CLYBL: variants seen among roughly 807,000 people sequenced by gnomAD.
The protein encoded by CLYBL is citramalyl-CoA lyase, also known as citramalyl-CoA lyase, mitochondrial.
Under a neutral mutation model 38.9 loss-of-function variants are expected in CLYBL, and 31 were observed. That is an observed-to-expected ratio of 0.80 (90% CI 0.60 to 1.08). The LOEUF is 1.08. Among genes scored for constraint, CLYBL ranks in the 50% least tolerant of loss-of-function variants. The pLI is 0.00. For synonymous variants in CLYBL, 171 were observed against 158.6 expected (o/e 1.08, Z -0.59); for missense variants, 434 against 411.6 (o/e 1.05, Z -0.47).
chr13:99,786,842 A>G lies in CLYBL; in HGVS notation c.249+13832A>G, dbSNP rs529492086. Among the ~76,000 whole-genome samples, 27 of 152,024 alleles carry G rather than the reference A, an allele frequency of 1.8e-4. 1 individual carries two copies. In the South Asian group the frequency reaches 4.4e-3, roughly 25 times the overall value. ...CCACCAACAGTGTAAAAGTGTTCCT[A>G]TTTCTCCACATCCTCTCCAGCACCT... On this transcript the variant is annotated intron_variant, in intron 2 of 8. Coordinates refer to ENST00000339105, the MANE Select transcript of CLYBL (RefSeq NM_206808.5).
chr13:99,616,057 G>C (rs1317437383), intron 1 of CLYBL, among the ~76,000 whole-genome samples: 1 of 151,552 alleles, frequency 6.6e-6, no homozygotes, highest in Non-Finnish European at 1.5e-5. Context: ...ATGTTGGTCA[G>C]GCTGGTCTTG....
Position 99,667,746 on chromosome 13 carries a change from C to T in CLYBL, c.62+60989C>T, listed in dbSNP as rs529712002. Among the ~76,000 whole-genome samples the T allele has an allele frequency of 1.1e-4, 16 of 152,254 alleles. No individual in the cohort carries two copies. The South Asian group carries it at 3.1e-3, about 30-fold the overall frequency. Reference sequence around the variant, plus strand: ...ATTTCTAGTAGTCAAAATAAACATTCGCTCTTAAATTTTACTAGTCAACTC... The same window carrying T: ...ATTTCTAGTAGTCAAAATAAACATTTGCTCTTAAATTTTACTAGTCAACTC... On this transcript the variant is annotated intron_variant, in intron 1 of 8. Coordinates refer to ENST00000339105, the MANE Select transcript of CLYBL (RefSeq NM_206808.5).
intron 1 of CLYBL, among the ~76,000 whole-genome samples, chr13:99,713,352 T>TG (rs2048263721): frequency 6.8e-6 from 1 of 147,672 alleles, no homozygotes; most frequent in Non-Finnish European, 1.5e-5. Flanking sequence ...TTTTTTTTTT[T>TG]TTTTTAAGAC....
chr13:99,699,760 A>G (rs1243422878), intron 1 of CLYBL, among the ~76,000 whole-genome samples: 18 of 149,636 alleles, frequency 1.2e-4, no homozygotes, highest in African/African-American at 2.9e-4. Context: ...TTGGGAGGCC[A>G]AGGTGGGCAG....
intron 1 of CLYBL, among the ~76,000 whole-genome samples, chr13:99,631,426 A>ATG (rs1460451917): frequency 6.6e-6 from 1 of 151,886 alleles, no homozygotes; most frequent in Admixed American, 6.6e-5. Context: ...ACATACATAT[A>ATG]TGTGTGTGTA....
chr13:99,870,823 A>C, intron 6 of CLYBL, 115 bp from the exon 7 acceptor site: 1 of 1,055,088 alleles, frequency 9.5e-7, no homozygotes, highest in Non-Finnish European at 1.3e-6. Flanking sequence ...AAAGTTTTAA[A>C]TTAGTTATTT....
At chr13:99,624,604 A>G (rs1419484169) in intron 1 of CLYBL, among the ~76,000 whole-genome samples, 1 of 152,194 alleles carries the variant, frequency 6.6e-6, no homozygotes, top group Non-Finnish European at 1.5e-5. Context: ...ACTGGTTTAC[A>G]TTGTTGGTTT....
intron 1 of CLYBL, among the ~76,000 whole-genome samples, chr13:99,687,461 G>A (rs541181612): frequency 1.3e-5 from 2 of 152,314 alleles, no homozygotes; most frequent in Non-Finnish European, 2.9e-5. Context: ...TAGCTAGTCA[G>A]CATCGGACTG....
At chr13:99,669,555 G>T (rs1419686079) in intron 1 of CLYBL, among the ~76,000 whole-genome samples, 2 of 152,188 alleles carry the variant, frequency 1.3e-5, no homozygotes, top group African/African-American at 2.4e-5. Flanking sequence ...GGAGAGTTGG[G>T]TGGTAGTTTC....
intron 2 of CLYBL, among the ~76,000 whole-genome samples, chr13:99,836,136 G>A (rs934813837): frequency 1.3e-5 from 2 of 152,146 alleles, no homozygotes; most frequent in African/African-American, 4.8e-5. Context: ...TTCTCCTGGC[G>A]CTGCTTGGAG....
At chr13:99,898,768 C>G (rs2052610329), downstream of CLYBL, among the ~76,000 whole-genome samples, 2 of 152,214 alleles carry the variant, frequency 1.3e-5, no homozygotes, top group African/African-American at 4.8e-5. Context: ...GAGAGATCCT[C>G]CCAGCTCCCC....
At chr13:99,634,132 A>G (rs1356095104) in intron 1 of CLYBL, among the ~76,000 whole-genome samples, 1 of 152,208 alleles carries the variant, frequency 6.6e-6, no homozygotes, top group Non-Finnish European at 1.5e-5. Flanking sequence ...TGAGAAAAAA[A>G]GAAGGTGCAC....
At chr13:99,864,663 C>T (rs1435760217) in intron 4 of CLYBL, among the ~76,000 whole-genome samples, 155 bp from the exon 5 acceptor site, 1 of 152,118 alleles carries the variant, frequency 6.6e-6, no homozygotes, top group African/African-American at 2.4e-5. Flanking sequence ...ATATTAAATA[C>T]CTTTTGAAAG....
downstream of CLYBL, among the ~76,000 whole-genome samples, chr13:99,900,464 TCCCGTC>T (rs957669102): frequency 8.5e-5 from 13 of 152,088 alleles, no homozygotes; most frequent in Non-Finnish European, 1.3e-4. Flanking sequence ...GATCATTTTG[TCCCGTC>T]CCCTGATCTT....
intron 1 of CLYBL, among the ~76,000 whole-genome samples, chr13:99,627,154 G>T (rs2046881833): frequency 6.6e-6 from 1 of 151,870 alleles, no homozygotes; most frequent in African/African-American, 2.4e-5. Flanking sequence ...CTTTATCATA[G>T]ATTTAATTAA....
At chr13:99,809,717 T>C (rs993313611) in intron 2 of CLYBL, among the ~76,000 whole-genome samples, 1 of 152,262 alleles carries the variant, frequency 6.6e-6, no homozygotes, top group South Asian at 2.1e-4. Flanking sequence ...GGTAATGAGC[T>C]GCCTTCCAAG....
intron 1 of CLYBL, among the ~76,000 whole-genome samples, chr13:99,657,361 AACAAAACT>A (rs2047344057): frequency 6.6e-6 from 1 of 152,228 alleles, no homozygotes; most frequent in African/African-American, 2.4e-5. Flanking sequence ...TATAGAGCAA[AACAAAACT>A]AGTGGAAAAT....
intron 1 of CLYBL, among the ~76,000 whole-genome samples, chr13:99,759,786 A>G (rs531382764): frequency 6.6e-6 from 1 of 152,336 alleles, no homozygotes; most frequent in East Asian, 1.9e-4. Flanking sequence ...TGAAGAAGAC[A>G]TTGATGCTTC....
intron 2 of CLYBL, among the ~76,000 whole-genome samples, chr13:99,790,989 T>A (rs116348863): frequency 0.013 from 1,984 of 152,316 alleles, 45 homozygotes; most frequent in African/African-American, 0.044. Flanking sequence ...TTTTTCTAAT[T>A]TGGCTTGTAA....
Sources: gnomAD v4.1 joint callset for allele counts (sites outside exome capture counted in the v4.1 genomes callset) on GRCh38, gnomAD v4.1.1 for gene constraint, MANE v1.5 for transcripts, NCBI Gene and HGNC (gene_info 2026-07-23, HGNC 2026-07-21) for gene names.